The following ATF7IP variants were observed in gnomAD, a reference collection of about 807,000 sequenced individuals.
ATF7IP encodes the protein activating transcription factor 7-interacting protein 1.
A neutral mutation model predicts 106.4 loss-of-function variants in ATF7IP; 23 were observed. The observed-to-expected ratio is 0.22, with a 90% CI of 0.16 to 0.31. The LOEUF is 0.31. ATF7IP is among the 10% of genes least tolerant of loss of function. The pLI is 1.00. For missense variants in ATF7IP, 1,334 were observed against 1,524.3 expected (o/e 0.88, Z 2.08); for synonymous variants, 542 against 539.0 (o/e 1.01, Z -0.08).
rs1368016043 is a variant in ATF7IP at position 14,424,800 on chromosome 12, A to C, written c.885A>C (p.Pro295=). 2.5e-6 allele frequency: 4 copies of C among 1,614,062 alleles called. No homozygotes were observed. Among genetic ancestry groups the C allele is most frequent in the Non-Finnish European group, 3.4e-6 (4 of 1,180,036 alleles). Reference sequence around the variant, plus strand: ...GTACCTTTGAACCAAAGTCTGTACCAGTTTGTGAACCAGTTCCTGAAATTG... The same window carrying C: ...GTACCTTTGAACCAAAGTCTGTACCCGTTTGTGAACCAGTTCCTGAAATTG... ...FDRTFEPKSV[P]VCEPVPEIDN... is the part of the protein sequence containing the mutation. Residue 295 remains proline (P), a synonymous_variant, in exon 2 of 15, where the codon CCA becomes CCC. Coordinates refer to ENST00000261168, the MANE Select transcript of ATF7IP (RefSeq NM_018179.5).
Position 14,453,954 on chromosome 12 carries a change from T to G in ATF7IP, c.1996-2607T>G, listed in dbSNP as rs182744628. Among the ~76,000 whole-genome samples the G allele has an allele frequency of 2.4e-3, 360 of 152,316 alleles. 3 individuals are homozygous for G. Among genetic ancestry groups the G allele is most frequent in the African/African-American group, 8.4e-3 (349 of 41,578 alleles). On this transcript the variant is annotated intron_variant, in intron 6 of 14. Coordinates refer to ENST00000261168, the MANE Select transcript of ATF7IP (RefSeq NM_018179.5). The stretch of plus-strand genomic sequence containing the variant: ...TGTCTTAATGATAGTTATTTTGAAT[T>G]CATTGGCAGATAATTCATAGCTCTC...
intron 1 of ATF7IP, among the ~76,000 whole-genome samples, chr12:14,398,475 T>G (rs549310710): frequency 3.1e-4 from 14 of 45,220 alleles, no homozygotes; most frequent in African/African-American, 8.7e-4. Context: ...AGCCTTGTGG[T>G]TTTTTTTTTT....
At position 14,497,641 on chromosome 12, in the gene ATF7IP, C is replaced by A; in HGVS notation, c.3394-13C>A. ...TTGCAATCATCATTAATCAGTGTGA[C>A]CTGTTTCTTCAGGAGCCCCCACGCC... is the stretch of plus-strand genomic sequence containing the variant. On this transcript the variant is annotated splice_polypyrimidine_tract_variant and intron_variant, in intron 14 of 14. Transcript: ENST00000261168. 6.2e-7 allele frequency: 1 copy of A among 1,606,830 alleles called. No homozygotes were observed. The highest frequency in any genetic ancestry group is 1.7e-4 in the Middle Eastern group (1 of 6,016).
intron 6 of ATF7IP, among the ~76,000 whole-genome samples, chr12:14,451,706 A>G (rs540760927): frequency 1.4e-3 from 209 of 151,396 alleles, no homozygotes; most frequent in African/African-American, 4.6e-3. Context: ...GTTTCATTCC[A>G]TTATTGTCAG....
intron 10 of ATF7IP, among the ~76,000 whole-genome samples, chr12:14,466,854 A>G (rs1943853518): frequency 6.6e-6 from 1 of 152,100 alleles, no homozygotes; most frequent in South Asian, 2.1e-4. Flanking sequence ...ACAATTGACA[A>G]TCCAGTCATT....
chr12:14,396,274 T>C (rs1027531119), intron 1 of ATF7IP, among the ~76,000 whole-genome samples: 7 of 152,118 alleles, frequency 4.6e-5, no homozygotes, highest in African/African-American at 1.7e-4. Flanking sequence ...AGTGTTACTT[T>C]TAGGTGGGAC....
rs193193013 is a variant in ATF7IP at position 14,464,435 on chromosome 12, A to G, written c.2798-2091A>G. Among the ~76,000 whole-genome samples, 109 of 152,344 alleles carry G rather than the reference A, an allele frequency of 7.2e-4. 2 individuals are homozygous for G. In the South Asian group the frequency reaches 0.018, roughly 25 times the overall value. Reference sequence around the variant, plus strand: ...TGTTTGCCTTTTTTCTGTTCATACAATTATCCAGAGCTACTAAGAGATAAC... The same window carrying G: ...TGTTTGCCTTTTTTCTGTTCATACAGTTATCCAGAGCTACTAAGAGATAAC... On this transcript the variant is annotated intron_variant, in intron 9 of 14. Coordinates refer to ENST00000261168, the MANE Select transcript of ATF7IP (RefSeq NM_018179.5).
chr12:14,493,065 C>T (rs1210013059), intron 13 of ATF7IP, among the ~76,000 whole-genome samples: 2 of 152,212 alleles, frequency 1.3e-5, no homozygotes, highest in African/African-American at 4.8e-5. Flanking sequence ...TTCCAGCTCT[C>T]TCACAGTGTG....
chr12:14,405,628 G>T (rs968581906), intron 1 of ATF7IP, among the ~76,000 whole-genome samples: 3 of 151,726 alleles, frequency 2.0e-5, no homozygotes, highest in African/African-American at 7.3e-5. Flanking sequence ...TGTTGTCCAG[G>T]CTCATCTTGA....
chr12:14,478,197 C>A, intron 11 of ATF7IP, 120 bp from the exon 12 acceptor site: 1 of 869,496 alleles, frequency 1.2e-6, no homozygotes, highest in Non-Finnish European at 1.8e-6. Context: ...ATAAATTATT[C>A]TCTTAGAGGT....
intron 10 of ATF7IP, among the ~76,000 whole-genome samples, chr12:14,471,045 T>G (rs1262843845): frequency 6.6e-6 from 1 of 152,192 alleles, no homozygotes; most frequent in Non-Finnish European, 1.5e-5. Context: ...GGTCCTGGGT[T>G]GTTTAGTTAG....
intron 5 of ATF7IP, among the ~76,000 whole-genome samples, chr12:14,439,213 G>C (rs1395556987): frequency 6.6e-6 from 1 of 152,100 alleles, no homozygotes; most frequent in East Asian, 1.9e-4. Flanking sequence ...GTAAGTGTAT[G>C]GTTCCTATTG....
At chr12:14,481,223 G>A in intron 13 of ATF7IP, 38 bp downstream of exon 13, 1 of 1,606,236 alleles carries the variant, frequency 6.2e-7, no homozygotes, top group East Asian at 2.2e-5. Context: ...CAAGATACAT[G>A]TAGTTCTCTT....
At chr12:14,376,931 A>G (rs1435717411) in intron 1 of ATF7IP, among the ~76,000 whole-genome samples, 2 of 152,204 alleles carry the variant, frequency 1.3e-5, no homozygotes, top group Non-Finnish European at 2.9e-5. Flanking sequence ...ATCTCAAAAA[A>G]AAGAAAAAAG....
At chr12:14,416,004 A>G (rs1443258260) in intron 1 of ATF7IP, among the ~76,000 whole-genome samples, 1 of 152,210 alleles carries the variant, frequency 6.6e-6, no homozygotes, top group East Asian at 1.9e-4. Flanking sequence ...AAATCTTTAT[A>G]CTAAATTTGA....
chr12:14,489,460 G>A (rs1040184121), intron 13 of ATF7IP, among the ~76,000 whole-genome samples: 1 of 152,162 alleles, frequency 6.6e-6, no homozygotes, highest in Non-Finnish European at 1.5e-5. Context: ...AGAACGTAAT[G>A]TCGCAGGAAC....
At chr12:14,390,548 AAAAGTT>A (rs1274954416) in intron 1 of ATF7IP, among the ~76,000 whole-genome samples, 3 of 152,386 alleles carry the variant, frequency 2.0e-5, no homozygotes, top group Admixed American at 1.3e-4. Flanking sequence ...CTGAATAAGA[AAAAGTT>A]AAAGTGTATT....
At chr12:14,468,690 A>G (rs1026216613) in intron 10 of ATF7IP, among the ~76,000 whole-genome samples, 2 of 152,142 alleles carry the variant, frequency 1.3e-5, no homozygotes, top group Non-Finnish European at 2.9e-5. Context: ...AAAAATAACA[A>G]AGTTTCAGTT....
At chr12:14,432,145 G>A (rs11055971) in intron 2 of ATF7IP, among the ~76,000 whole-genome samples, 85,966 of 152,066 alleles carry the variant, frequency 0.57, 24,742 homozygotes, top group African/African-American at 0.67. Context: ...TAGCAGGCCA[G>A]TTTATTCTGC....
Sources: allele counts gnomAD v4.1 joint callset (sites outside exome capture counted in the v4.1 genomes callset), GRCh38; gene constraint gnomAD v4.1.1; transcripts MANE v1.5; gene names NCBI Gene and HGNC (gene_info 2026-07-23, HGNC 2026-07-21).